EPOR: variants seen among roughly 807,000 people sequenced by gnomAD.
The protein encoded by EPOR is erythropoietin receptor.
EPOR carries 20 observed loss-of-function variants against 34.3 expected under a neutral mutation model. The ratio of observed to expected loss-of-function variants is 0.58; its 90% CI spans 0.41 to 0.85. The LOEUF (loss-of-function observed/expected upper bound fraction) is 0.85, where lower values mean the gene tolerates loss of function less well. EPOR is among the 40% of genes least tolerant of loss of function. EPOR has a pLI of 0.00. For missense variants in EPOR, 601 were observed against 672.7 expected, an observed-to-expected ratio of 0.89 and a Z score of 1.18; for synonymous variants, 312 against 299.0, an observed-to-expected ratio of 1.04 and a Z score of -0.45.
Position 11,380,865 on chromosome 19 carries a change from G to A in EPOR, c.827+19C>T. 1 of 1,543,628 alleles carries A rather than the reference G, an allele frequency of 6.5e-7. No homozygotes were observed. The highest frequency in any genetic ancestry group is 1.2e-5 in the South Asian group (1 of 83,908). On this transcript the variant is annotated intron_variant, in intron 6 of 7. Coordinates refer to ENST00000222139, the MANE Select transcript of EPOR (RefSeq NM_000121.4). The stretch of plus-strand genomic sequence containing the variant: ...TGGCGGGGAGGAGTCTGGGCCCAGC[G>A]CCCAAATGGGGAGCTCACCGGCGGT...
In EPOR at chr19:11,381,122, C is replaced by A; in HGVS notation, c.673G>T (p.Ala225Ser). ...CAGAAGCCGCCGAAGCTCGGCTCAGCCATACGCGCGCGGACGGCGAAGGTG... is the reference window on the plus strand; with the variant it reads ...CAGAAGCCGCCGAAGCTCGGCTCAGACATACGCGCGCGGACGGCGAAGGTG... ...RYTFAVRARM[A>S]EPSFGGFWSA... Residue 225 changes from alanine to serine, a missense_variant, in exon 5 of 8, where the codon GCT becomes TCT. Physicochemically the swap from Ala to Ser is moderately conservative, Grantham distance 99. Transcript: ENST00000222139. The surrounding 1 kb of genome is among the most constrained non-coding windows in gnomAD (Gnocchi z 5.3). The A allele has an allele frequency of 6.3e-7, 1 of 1,583,426 alleles. No homozygotes were observed. The highest frequency in any genetic ancestry group is 8.6e-7 in the Non-Finnish European group (1 of 1,164,718).
rs749153526 is a variant in EPOR, at chr19:11,378,774, G to A, written c.832C>T (p.Leu278=). ...VLALLSHRRA[L]KQKIWPGIPS... ...ATGCCAGGCCAGATCTTCTGCTTCA[G>A]AGCCCTGTTGAAGCCAATATAAATA... Residue 278 remains leucine, a synonymous_variant, in exon 7 of 8, where the codon CTG becomes TTG. Coordinates refer to ENST00000222139, the MANE Select transcript of EPOR (RefSeq NM_000121.4). This position sits in a 1 kb window ranked among gnomAD's most constrained non-coding sequence, Gnocchi z 5.3. The A allele has an allele frequency of 6.2e-7, 1 of 1,614,052 alleles. No individual in the cohort carries two copies.
Position 11,378,559 on chromosome 19 carries a change from T to C in EPOR, c.952A>G (p.Ser318Gly), listed in dbSNP as rs2144694744. The C allele has an allele frequency of 1.9e-6, 3 of 1,614,068 alleles. No individual in the cohort carries two copies. Among genetic ancestry groups the C allele is most frequent in the Non-Finnish European group, 2.5e-6 (3 of 1,179,994 alleles). ...LYQNDGCLWW[S>G]PCTPFTEDPP... is the part of the protein sequence containing the mutation. ...TCCTCCGTGAAGGGGGTGCAGGGGCTCCACCACAGGCAGCCATCATTCTGG... is the reference window on the plus strand; with the variant it reads ...TCCTCCGTGAAGGGGGTGCAGGGGCCCCACCACAGGCAGCCATCATTCTGG... Residue 318 changes from serine (S) to glycine (G), a missense_variant, in exon 8 of 8, where the codon AGC (serine) becomes GGC (glycine). Transcript: ENST00000222139. This position sits in a 1 kb window ranked among gnomAD's most constrained non-coding sequence, Gnocchi z 5.3.
Position 11,384,084 on chromosome 19 carries a change from C to T in EPOR, c.115+9G>A. 1 of 1,532,320 alleles carries T rather than the reference C, an allele frequency of 6.5e-7. No individual in the cohort carries two copies. Among genetic ancestry groups the T allele is most frequent in the Non-Finnish European group, 8.9e-7 (1 of 1,129,698 alleles). The allele number at this position is 1,532,320 out of a possible 1,614,324, so 94.9% of individuals were successfully genotyped here. On this transcript the variant is annotated intron_variant, in intron 1 of 7. Coordinates refer to ENST00000222139, the MANE Select transcript of EPOR (RefSeq NM_000121.4). Reference sequence around the variant, plus strand: ...CCAGCGTAGGGGTCCACACGCAGCTCATCCTTACCTTTGCTCTCGAACTTG... The same window carrying T: ...CCAGCGTAGGGGTCCACACGCAGCTTATCCTTACCTTTGCTCTCGAACTTG...
chr19:11,377,422 G>A lies in EPOR; in HGVS notation c.*562C>T, dbSNP rs1449427967. The A allele has an allele frequency of 4.4e-6, 2 of 454,036 alleles. No homozygotes were observed. The highest frequency in any genetic ancestry group is 1.4e-4 in the East Asian group (2 of 14,392). 28.1% of individuals were successfully genotyped at this position (454,036 alleles called of 1,614,324 possible). A position where few individuals can be genotyped will look rare whatever the true frequency, so the allele number is the denominator to read the frequency against. Reference sequence around the variant, plus strand: ...AAATGGCCCATTGAGGGTCATTGCTGCCCTTTTTCTTCCCTTGCTGACTGG... The same window carrying A: ...AAATGGCCCATTGAGGGTCATTGCTACCCTTTTTCTTCCCTTGCTGACTGG... On this transcript the variant is annotated 3_prime_UTR_variant, in exon 8 of 8. Transcript: ENST00000222139.
chr19:11,378,610 C>T lies in EPOR; in HGVS notation c.916-15G>A. 6.2e-7 allele frequency: 1 copy of T among 1,614,188 alleles called. No homozygotes were observed. The highest frequency in any genetic ancestry group is 8.5e-7 in the Non-Finnish European group (1 of 1,180,032). ...TACAGCCACAGCTGAAGAAATAGCACCAACCTGCTCAGAGAGGCCTGCAGT... is the reference window on the plus strand; with the variant it reads ...TACAGCCACAGCTGAAGAAATAGCATCAACCTGCTCAGAGAGGCCTGCAGT... On this transcript the variant is annotated splice_polypyrimidine_tract_variant and intron_variant, in intron 7 of 7. Transcript: ENST00000222139. The surrounding 1 kb of genome is among the most constrained non-coding windows in gnomAD (Gnocchi z 5.3).
Position 11,381,773 on chromosome 19 carries a change from C to A in EPOR, c.504G>T (p.Pro168=), listed in dbSNP as rs2144698215. The change falls in exon 4 of 8, where the codon CCG becomes CCT. Residue 168 remains proline (P), a synonymous_variant. Transcript: ENST00000222139. The surrounding 1 kb of genome is among the most constrained non-coding windows in gnomAD (Gnocchi z 5.3). ...GAGACGTCATGGGTGTCTCAGGCGG[C>A]GGGAGCCAGCGCAACACTACGTGGC... ...ESGHVVLRWL[P]PPETPMTSHI... is the part of the protein sequence containing the mutation. 1.2e-6 allele frequency: 2 copies of A among 1,613,314 alleles called. No individual in the cohort carries two copies. Among genetic ancestry groups the A allele is most frequent in the Non-Finnish European group, 8.5e-7 (1 of 1,179,730 alleles).
rs572409030 is a variant in EPOR at position 11,383,653 on chromosome 19, G to A, written c.116-421C>T. Reference sequence around the variant, plus strand: ...CCCCCCGCCTCCCTCCCTCCACCGGGCCGGGCAAGTGATCTGGCGCCCTCA... The same window carrying A: ...CCCCCCGCCTCCCTCCCTCCACCGGACCGGGCAAGTGATCTGGCGCCCTCA... On this transcript the variant is annotated intron_variant, in intron 1 of 7. Transcript: ENST00000222139. This position sits in a 1 kb window ranked among gnomAD's most constrained non-coding sequence, Gnocchi z 4.9. 99 of 239,564 alleles carry A rather than the reference G, an allele frequency of 4.1e-4. No individual in the cohort carries two copies. The highest frequency in any genetic ancestry group is 2.3e-3 in the African/African-American group (98 of 43,028). 14.8% of individuals were successfully genotyped at this position (239,564 alleles called of 1,614,324 possible).
At position 11,383,921 on chromosome 19, in the gene EPOR, GC is replaced by G. The variant is rs1968400227; in HGVS notation, c.115+171del. 1.7e-5 allele frequency among the ~76,000 whole-genome samples: 2 copies of G among 120,232 alleles called. No individual in the cohort carries two copies. Among genetic ancestry groups the G allele is most frequent in the African/African-American group, 3.3e-5 (1 of 30,602 alleles). 78.9% of individuals were successfully genotyped at this position (120,232 alleles called of 152,430 possible). On this transcript the variant is annotated intron_variant, in intron 1 of 7. Coordinates refer to ENST00000222139, the MANE Select transcript of EPOR (RefSeq NM_000121.4). This position sits in a 1 kb window ranked among gnomAD's most constrained non-coding sequence, Gnocchi z 4.9. ...CTTGGATCCTAACATACCCCACCCC[GC>G]CCCCCACCCATCCAGGACCCAGTCT...
In EPOR at chr19:11,377,774, T is replaced by C. The variant is rs777726345; in HGVS notation, c.*210A>G. On this transcript the variant is annotated 3_prime_UTR_variant, in exon 8 of 8. Coordinates refer to ENST00000222139, the MANE Select transcript of EPOR (RefSeq NM_000121.4). ...CATGGTAGAAAAACTTACATACATATGTGTATATATATATATAGATACAAA... is the reference window on the plus strand; with the variant it reads ...CATGGTAGAAAAACTTACATACATACGTGTATATATATATATAGATACAAA... 2.8e-6 allele frequency: 2 copies of C among 707,478 alleles called. No homozygotes were observed. The highest frequency in any genetic ancestry group is 2.8e-5 in the East Asian group (1 of 35,598). 43.8% of individuals were successfully genotyped at this position (707,478 alleles called of 1,614,324 possible).
At position 11,382,109 on chromosome 19, in the gene EPOR, T is replaced by C. The variant is rs543828870; in HGVS notation, c.252-4A>G. 3 of 1,612,292 alleles carry C rather than the reference T, an allele frequency of 1.9e-6. No homozygotes were observed. The highest frequency in any genetic ancestry group is 2.5e-6 in the Non-Finnish European group (3 of 1,178,904). ...ACACAGCTTCCATGGCTCATCCCTATGCGCCCAGGGAAGGGAGCAGGTTGG... is the reference window on the plus strand; with the variant it reads ...ACACAGCTTCCATGGCTCATCCCTACGCGCCCAGGGAAGGGAGCAGGTTGG... On this transcript the variant is annotated splice_region_variant and splice_polypyrimidine_tract_variant and intron_variant, in intron 2 of 7. Coordinates refer to ENST00000222139, the MANE Select transcript of EPOR (RefSeq NM_000121.4).
rs142951311 is a variant in EPOR at position 11,380,910 on chromosome 19, G to C, written c.801C>G (p.Thr267=). Reference sequence around the variant, plus strand: ...GGCGGTGGGAGAGCAGCGCGAGCACGGTCAGCAGCACCAGGATGACCACGA... The same window carrying C: ...GGCGGTGGGAGAGCAGCGCGAGCACCGTCAGCAGCACCAGGATGACCACGA... ...LILVVILVLL[T]VLALLSHRRA... Residue 267 remains threonine (T), a synonymous_variant, in exon 6 of 8, where the codon ACC becomes ACG. Coordinates refer to ENST00000222139, the MANE Select transcript of EPOR (RefSeq NM_000121.4). 361 of 1,551,804 alleles carry C rather than the reference G, an allele frequency of 2.3e-4. 1 individual carries two copies. The African/African-American group carries it at 4.4e-3, about 19-fold the overall frequency.
At position 11,378,734 on chromosome 19, in the gene EPOR, C is replaced by T. The variant is rs1968317826; in HGVS notation, c.872G>A (p.Ser291Asn). Residue 291 changes from serine (S) to asparagine (N), a missense_variant, in exon 7 of 8, where the codon AGC becomes AAC. Coordinates refer to ENST00000222139, the MANE Select transcript of EPOR (RefSeq NM_000121.4). The surrounding 1 kb of genome is among the most constrained non-coding windows in gnomAD (Gnocchi z 5.3). Reference sequence around the variant, plus strand: ...GGTGGTGAAGAGGCCTTCAAACTCGCTCTCTGGGCTCGGGATGCCAGGCCA... The same window carrying T: ...GGTGGTGAAGAGGCCTTCAAACTCGTTCTCTGGGCTCGGGATGCCAGGCCA... ...KIWPGIPSPE[S>N]EFEGLFTTHK... is the part of the protein sequence containing the mutation. The T allele has an allele frequency of 1.2e-6, 2 of 1,614,234 alleles. No homozygotes were observed. Among genetic ancestry groups the T allele is most frequent in the Non-Finnish European group, 1.7e-6 (2 of 1,180,056 alleles).
chr19:11,382,512 C>T (rs1457500532), intron 2 of EPOR, among the ~76,000 whole-genome samples: 1 of 151,984 alleles, frequency 6.6e-6, no homozygotes, highest in African/African-American at 2.4e-5. Context: ...CACAGGCATG[C>T]GCCACCACGC....
chr19:11,383,623 C>T lies in EPOR; in HGVS notation c.116-391G>A. 4.2e-6 allele frequency: 1 copy of T among 240,662 alleles called. No individual in the cohort carries two copies. The highest frequency in any genetic ancestry group is 8.2e-6 in the Non-Finnish European group (1 of 122,402). The allele number at this position is 240,662 out of a possible 1,614,324, so 14.9% of individuals were successfully genotyped here. On this transcript the variant is annotated intron_variant, in intron 1 of 7. Coordinates refer to ENST00000222139, the MANE Select transcript of EPOR (RefSeq NM_000121.4). The surrounding 1 kb of genome is among the most constrained non-coding windows in gnomAD (Gnocchi z 4.9). ...GCTCCCCGCCAACCGATAGCGCCAA[C>T]CGTGCCCCCCGCCTCCCTCCCTCCA...
intron 6 of EPOR, among the ~76,000 whole-genome samples, chr19:11,379,858 C>G (rs140940687): frequency 6.6e-6 from 1 of 152,184 alleles, no homozygotes; most frequent in Non-Finnish European, 1.5e-5. Flanking sequence ...TGTGCCACCA[C>G]GCTTGGCTAG....
At chr19:11,379,467 C>T (rs904166921) in intron 6 of EPOR, among the ~76,000 whole-genome samples, 3 of 152,062 alleles carry the variant, frequency 2.0e-5, no homozygotes, top group African/African-American at 4.8e-5. Context: ...CTCAGCTACT[C>T]AGGCGGTTGA....
Position 11,383,067 on chromosome 19 carries a change from C to A in EPOR, c.251+30G>T. On this transcript the variant is annotated intron_variant, in intron 2 of 7. Coordinates refer to ENST00000222139, the MANE Select transcript of EPOR (RefSeq NM_000121.4). This position sits in a 1 kb window ranked among gnomAD's most constrained non-coding sequence, Gnocchi z 4.9. ...GCTCTGCCCCACCCCCTCCCTCCGCCCTTGGAGGCACCCGCCGGATCGGAC... is the reference window on the plus strand; with the variant it reads ...GCTCTGCCCCACCCCCTCCCTCCGCACTTGGAGGCACCCGCCGGATCGGAC... The A allele has an allele frequency of 6.2e-7, 1 of 1,613,026 alleles. No homozygotes were observed. The highest frequency in any genetic ancestry group is 8.5e-7 in the Non-Finnish European group (1 of 1,179,790).
chr19:11,380,545 G>A, intron 6 of EPOR, among the ~76,000 whole-genome samples: 1 of 152,220 alleles, frequency 6.6e-6, no homozygotes, highest in Non-Finnish European at 1.5e-5. Flanking sequence ...AAGCTTGACC[G>A]CAGGGGTGCG....
Sources: gnomAD v4.1 joint callset for allele counts (sites outside exome capture counted in the v4.1 genomes callset) on GRCh38, gnomAD v4.1.1 for gene constraint, Gnocchi (gnomAD v3.1) non-coding constraint, MANE v1.5 for transcripts, NCBI Gene and HGNC (gene_info 2026-07-23, HGNC 2026-07-21) for gene names.